LDAH: variants seen among roughly 807,000 people sequenced by gnomAD.
LDAH encodes the protein lipid droplet-associated hydrolase.
LDAH carries 26 observed loss-of-function variants against 29.6 expected under a neutral mutation model. The observed-to-expected ratio is 0.88, with a 90% CI of 0.64 to 1.22. The LOEUF is 1.22. Ranked by LOEUF, LDAH falls within the 50% of genes most tolerant of loss-of-function variation. The pLI, the probability that LDAH is intolerant of heterozygous loss-of-function variation, is 0.00. For synonymous variants in LDAH, 117 were observed against 133.0 expected, an observed-to-expected ratio of 0.88 and a Z score of 0.83; for missense variants, 344 against 387.3, an observed-to-expected ratio of 0.89 and a Z score of 0.94.
chr2:20,792,022 C>A (rs775474668), intron 2 of LDAH, among the ~76,000 whole-genome samples: 18 of 151,918 alleles, frequency 1.2e-4, no homozygotes, highest in Non-Finnish European at 2.5e-4. Flanking sequence ...AGGGCAAATC[C>A]CTTCCCTTTT....
intron 6 of LDAH, among the ~76,000 whole-genome samples, chr2:20,693,207 A>G (rs2149335358): frequency 6.8e-6 from 1 of 147,490 alleles, no homozygotes; most frequent in African/African-American, 2.5e-5. Flanking sequence ...GGGCACTCTT[A>G]AAGGCTGCTG....
At chr2:20,716,099 A>T (rs1483047475) in intron 5 of LDAH, among the ~76,000 whole-genome samples, 1 of 152,192 alleles carries the variant, frequency 6.6e-6, no homozygotes, top group Non-Finnish European at 1.5e-5. Flanking sequence ...GAGGATATGG[A>T]GAAATTGGAA....
At chr2:20,710,616 A>ATCTATC (rs749893918) in intron 5 of LDAH, among the ~76,000 whole-genome samples, 1 of 133,830 alleles carries the variant, frequency 7.5e-6, no homozygotes, top group Non-Finnish European at 1.6e-5. Context: ...GTATATATAT[A>ATCTATC]TATAGATATA....
intron 6 of LDAH, among the ~76,000 whole-genome samples, chr2:20,692,158 A>G (rs576722703): frequency 1.5e-3 from 235 of 152,334 alleles, no homozygotes; most frequent in Middle Eastern, 0.014. Flanking sequence ...GAAGTGTGTA[A>G]GATGGTCTCT....
chr2:20,793,060 A>T (rs1316766937), intron 2 of LDAH, among the ~76,000 whole-genome samples: 1 of 152,176 alleles, frequency 6.6e-6, no homozygotes, highest in Non-Finnish European at 1.5e-5. Flanking sequence ...ATGTTCATTA[A>T]TTCTATTCAG....
intron 5 of LDAH, among the ~76,000 whole-genome samples, chr2:20,710,624 A>ATC (rs1664662419): frequency 7.5e-6 from 1 of 133,454 alleles, no homozygotes; most frequent in African/African-American, 2.7e-5. Flanking sequence ...ATATATAGAT[A>ATC]TATATATATA....
intron 1 of LDAH, among the ~76,000 whole-genome samples, chr2:20,812,155 G>A (rs1217734072): frequency 6.6e-6 from 1 of 152,134 alleles, no homozygotes; most frequent in Non-Finnish European, 1.5e-5. Flanking sequence ...AAGGAACAAG[G>A]CCAGAAGACA....
intron 3 of LDAH, chr2:20,789,290 C>T (rs1263227022): frequency 1.9e-6 from 3 of 1,549,794 alleles, no homozygotes; most frequent in Non-Finnish European, 2.6e-6. Flanking sequence ...GCGAGAGTCC[C>T]AAGAGGGCTT....
At chr2:20,736,186 A>C (rs563674826) in intron 5 of LDAH, among the ~76,000 whole-genome samples, 3 of 152,326 alleles carry the variant, frequency 2.0e-5, no homozygotes, top group Admixed American at 1.3e-4. Context: ...TCACGCCTGT[A>C]ATCCCAGCAT....
intron 3 of LDAH, among the ~76,000 whole-genome samples, chr2:20,788,645 GACGT>G (rs1418758061): frequency 1.3e-5 from 2 of 152,074 alleles, no homozygotes; most frequent in Non-Finnish European, 2.9e-5. Flanking sequence ...CCACTAGAGA[GACGT>G]ACAAGAACCA....
At chr2:20,761,010 T>G (rs961699936) in intron 4 of LDAH, among the ~76,000 whole-genome samples, 1 of 152,194 alleles carries the variant, frequency 6.6e-6, no homozygotes, top group Non-Finnish European at 1.5e-5. Flanking sequence ...GCTATCCAAT[T>G]TAAGAAATCT....
intron 3 of LDAH, among the ~76,000 whole-genome samples, chr2:20,776,422 T>C (rs1300279044): frequency 6.6e-6 from 1 of 152,210 alleles, no homozygotes; most frequent in Non-Finnish European, 1.5e-5. Context: ...AATTCACTCC[T>C]ACTTTACAAT....
chr2:20,753,856 C>A (rs1164235868), intron 4 of LDAH, among the ~76,000 whole-genome samples: 1 of 152,172 alleles, frequency 6.6e-6, no homozygotes, highest in Non-Finnish European at 1.5e-5. Context: ...ACTTAAGTGG[C>A]TCCCAGTGGC....
Position 20,740,015 on chromosome 2 carries a change from T to C in LDAH, c.659A>G (p.Glu220Gly), listed in dbSNP as rs1431708561. Residue 220 changes from glutamate (E) to glycine (G), a missense_variant, in exon 5 of 7, where the codon GAG (glutamate) becomes GGG (glycine). Transcript: ENST00000237822. ...IRRGLQVMNL[E>G]NEFSPLNILE... ...TATATTCAATGGTGAAAATTCATTC[T>C]CTAGGTTCATTACTTGAAGGCCCCT... 6.2e-7 allele frequency: 1 copy of C among 1,614,118 alleles called. No homozygotes were observed. The highest frequency in any genetic ancestry group is 1.7e-5 in the Admixed American group (1 of 60,020).
chr2:20,685,359 C>T lies in LDAH; in HGVS notation c.*1544G>A. 1.5e-6 allele frequency: 1 copy of T among 681,042 alleles called. No homozygotes were observed. Among genetic ancestry groups the T allele is most frequent in the East Asian group, 2.9e-5 (1 of 34,482 alleles). 42.2% of individuals were successfully genotyped at this position (681,042 alleles called of 1,614,324 possible). A position where few individuals can be genotyped will look rare whatever the true frequency, so the allele number is the denominator to read the frequency against. On this transcript the variant is annotated 3_prime_UTR_variant, in exon 7 of 7. Coordinates refer to ENST00000237822, the MANE Select transcript of LDAH (RefSeq NM_021925.4). Reference sequence around the variant, plus strand: ...ATTCCTAGCTTCTAACATCCGATTTCTAGGCCTCTCATGCAGATGCCAATA... The same window carrying T: ...ATTCCTAGCTTCTAACATCCGATTTTTAGGCCTCTCATGCAGATGCCAATA...
chr2:20,682,734 C>T (rs2149314271), downstream of LDAH, among the ~76,000 whole-genome samples: 1 of 152,302 alleles, frequency 6.6e-6, no homozygotes, highest in Non-Finnish European at 1.5e-5. Flanking sequence ...GGACCCACCT[C>T]CCAATAGTTG....
intron 2 of LDAH, among the ~76,000 whole-genome samples, chr2:20,800,501 A>G (rs1174097126): frequency 6.6e-6 from 1 of 152,252 alleles, no homozygotes; most frequent in East Asian, 1.9e-4. Context: ...TTTAAAATGC[A>G]TTTTGAATAC....
In LDAH at chr2:20,754,332, T is replaced by TA. The variant is rs540484065; in HGVS notation, c.469-14128dup. ...GTGAAACCCGTCTCTACTAAAAAAA[T>TA]AAAAAAAAATTAGCCAGGCCTGGCA... On this transcript the variant is annotated intron_variant, in intron 4 of 6. Transcript: ENST00000237822. Among the ~76,000 whole-genome samples the TA allele has an allele frequency of 5.9e-3, 871 of 148,372 alleles. 11 individuals carry two copies. The highest frequency in any genetic ancestry group is 0.021 in the African/African-American group (831 of 40,504).
At position 20,745,558 on chromosome 2, in the gene LDAH, C is replaced by T. The variant is rs533891162; in HGVS notation, c.469-5353G>A. 3.9e-5 allele frequency among the ~76,000 whole-genome samples: 6 copies of T among 152,240 alleles called. No individual in the cohort carries two copies. The South Asian group carries it at 1.2e-3, about 32-fold the overall frequency. On this transcript the variant is annotated intron_variant, in intron 4 of 6. Transcript: ENST00000237822. ...CAACAAAAGATAAGCATGTAAGGTACTGCATAAGTTACTTAGCTTGATTTA... is the reference window on the plus strand; with the variant it reads ...CAACAAAAGATAAGCATGTAAGGTATTGCATAAGTTACTTAGCTTGATTTA...
Sources: gnomAD v4.1 joint callset for allele counts (sites outside exome capture counted in the v4.1 genomes callset) on GRCh38, gnomAD v4.1.1 for gene constraint, MANE v1.5 for transcripts, NCBI Gene and HGNC (gene_info 2026-07-23, HGNC 2026-07-21) for gene names.